Variants in CCDC171 observed in about 807,000 individuals in gnomAD.
The protein encoded by CCDC171 is coiled-coil domain-containing protein 171.
A neutral mutation model predicts 168.2 loss-of-function variants in CCDC171; 177 were observed. The ratio of observed to expected loss-of-function variants is 1.05; its 90% CI spans 0.93 to 1.19. The LOEUF (loss-of-function observed/expected upper bound fraction) is 1.19. Among genes scored for constraint, CCDC171 ranks in the 50% most tolerant of loss-of-function variants. The pLI is 0.00. For synonymous variants in CCDC171, 687 were observed against 540.8 expected, an observed-to-expected ratio of 1.27 and a Z score of -3.75; for missense variants, 1,991 against 1,539.0, an observed-to-expected ratio of 1.29 and a Z score of -4.91.
chr9:16,050,481 T>C (rs1833733227), intron 1 of CCDC171, among the ~76,000 whole-genome samples: 1 of 152,200 alleles, frequency 6.6e-6, no homozygotes, highest in African/African-American at 2.4e-5. Context: ...AACTCTCTCC[T>C]GGCAAATTAT....
chr9:15,862,174 T>G (rs2061587915), intron 23 of CCDC171, among the ~76,000 whole-genome samples: 1 of 40,214 alleles, frequency 2.5e-5, no homozygotes, highest in Non-Finnish European at 5.4e-5. Context: ...TCTCTTTTTT[T>G]GAATTAAAAA....
chr9:15,720,727 A>G (rs1254534829), intron 11 of CCDC171, among the ~76,000 whole-genome samples: 1 of 152,206 alleles, frequency 6.6e-6, no homozygotes, highest in Non-Finnish European at 1.5e-5. Context: ...TCTAGGGTAC[A>G]TGTGCACAAT....
chr9:15,612,046 C>G (rs1181549941), intron 6 of CCDC171, among the ~76,000 whole-genome samples: 1 of 152,236 alleles, frequency 6.6e-6, no homozygotes, highest in East Asian at 1.9e-4. Flanking sequence ...AAAGCATCCT[C>G]TATAAACTAG....
chr9:15,667,051 G>T (rs1014109477), intron 9 of CCDC171, among the ~76,000 whole-genome samples: 3 of 152,112 alleles, frequency 2.0e-5, no homozygotes, highest in African/African-American at 7.2e-5. Flanking sequence ...CTCCTAAGTG[G>T]CAGAATTAGA....
chr9:15,724,774 A>G lies in CCDC171; in HGVS notation c.1492-2A>G, dbSNP rs1177125675. On this transcript the variant is annotated splice_acceptor_variant, in intron 13 of 25. Transcript: ENST00000380701. LOFTEE classifies it high-confidence loss of function. ...AATCTCTTTATTTGGTATCTATGAC[A>G]GGAACTTCAGGATAAACTGGCTGAT... is the stretch of plus-strand genomic sequence containing the variant. 2 of 1,610,666 alleles carry G rather than the reference A, an allele frequency of 1.2e-6. No homozygotes were observed. Among genetic ancestry groups the G allele is most frequent in the Non-Finnish European group, 1.7e-6 (2 of 1,177,256 alleles).
chr9:15,670,845 A>C (rs2049057697), intron 9 of CCDC171, among the ~76,000 whole-genome samples: 1 of 152,150 alleles, frequency 6.6e-6, no homozygotes, highest in Non-Finnish European at 1.5e-5. Flanking sequence ...CTGCTAAATA[A>C]AGATTTATGG....
At chr9:15,834,122 T>C (rs1330433721) in intron 21 of CCDC171, among the ~76,000 whole-genome samples, 1 of 152,164 alleles carries the variant, frequency 6.6e-6, no homozygotes, top group Admixed American at 6.5e-5. Context: ...CTAATTAAAA[T>C]TTGTTCACTT....
At chr9:15,678,386 A>G (rs1182778486) in intron 9 of CCDC171, among the ~76,000 whole-genome samples, 1 of 152,024 alleles carries the variant, frequency 6.6e-6, no homozygotes, top group Non-Finnish European at 1.5e-5. Flanking sequence ...CTAATGTTGT[A>G]TTTTAATTTT....
chr9:15,759,101 G>A (rs1312570732), intron 18 of CCDC171, among the ~76,000 whole-genome samples: 7 of 151,840 alleles, frequency 4.6e-5, no homozygotes, highest in Non-Finnish European at 7.4e-5. Flanking sequence ...AATGTATTTC[G>A]TCTCCCTCCC....
intron 4 of CCDC171, chr9:15,588,678 C>T: frequency 4.7e-6 from 1 of 211,044 alleles, no homozygotes. Context: ...TATTTTTCAA[C>T]CAAGTTTTAT....
chr9:15,679,282 C>T (rs2049873348), intron 10 of CCDC171, among the ~76,000 whole-genome samples: 1 of 152,144 alleles, frequency 6.6e-6, no homozygotes, highest in Non-Finnish European at 1.5e-5. Flanking sequence ...CACTCTCTCT[C>T]CATTCCCCAG....
intron 16 of CCDC171, among the ~76,000 whole-genome samples, chr9:15,732,005 T>C (rs1368631141): frequency 6.6e-6 from 1 of 152,094 alleles, no homozygotes; most frequent in Admixed American, 6.6e-5. Context: ...TTGTAAAGTA[T>C]CTCTTCTACT....
intron 8 of CCDC171, among the ~76,000 whole-genome samples, chr9:15,663,915 C>A (rs969614364): frequency 3.9e-4 from 59 of 151,858 alleles, no homozygotes; most frequent in African/African-American, 1.3e-3. Context: ...TGAGAATTTT[C>A]TTTTTAGTAG....
At chr9:16,015,561 C>A (rs1179270550) in intron 3 of CCDC171, among the ~76,000 whole-genome samples, 1 of 152,186 alleles carries the variant, frequency 6.6e-6, no homozygotes, top group East Asian at 1.9e-4. Flanking sequence ...TGTACTCTGT[C>A]TCAAGTGCCC....
At chr9:15,747,375 C>CTGACAGCTCTGAAGAGAGCAGTGGTTA (rs2055371477) in intron 18 of CCDC171, among the ~76,000 whole-genome samples, 1 of 152,196 alleles carries the variant, frequency 6.6e-6, no homozygotes. Flanking sequence ...AGCAGTGGTT[C>CTGACAGCTCTGAAGAGAGCAGTGGTTA]TCCCAGCATG....
chr9:15,827,727 T>C (rs1049801197), intron 21 of CCDC171, among the ~76,000 whole-genome samples: 23 of 152,164 alleles, frequency 1.5e-4, no homozygotes, highest in Admixed American at 3.3e-4. Flanking sequence ...CTTGTGAGGG[T>C]GCCCTAGATT....
chr9:15,990,648 A>C (rs996416799), intron 3 of CCDC171, among the ~76,000 whole-genome samples: 9 of 152,238 alleles, frequency 5.9e-5, no homozygotes, highest in African/African-American at 2.2e-4. Context: ...ATAAAGCGTC[A>C]AGACCCATCA....
chr9:15,939,833 G>T (rs980022328), intron 25 of CCDC171, among the ~76,000 whole-genome samples: 1 of 151,818 alleles, frequency 6.6e-6, no homozygotes, highest in East Asian at 1.9e-4. Flanking sequence ...GAGACACCCC[G>T]GAACAAATGA....
intron 24 of CCDC171, among the ~76,000 whole-genome samples, chr9:15,913,811 T>A (rs1277783831): frequency 1.3e-5 from 2 of 152,196 alleles, no homozygotes; most frequent in Non-Finnish European, 2.9e-5. Context: ...TCGGTGACCT[T>A]CGGATGGAGT....
Sources: gnomAD v4.1 joint callset for allele counts (sites outside exome capture counted in the v4.1 genomes callset) on GRCh38, gnomAD v4.1.1 for gene constraint, MANE v1.5 for transcripts, NCBI Gene and HGNC (gene_info 2026-07-23, HGNC 2026-07-21) for gene names.